Variants in VASP observed in about 807,000 individuals in gnomAD.
VASP encodes the protein vasodilator-stimulated phosphoprotein.
In VASP, 27 loss-of-function variants were observed where a neutral mutation model predicts 54.4. The ratio of observed to expected loss-of-function variants is 0.50; its 90% CI spans 0.37 to 0.68. The LOEUF is 0.68. VASP is among the 30% of genes least tolerant of loss of function. The probability of loss-of-function intolerance (pLI) is 0.00; values close to 1 mark genes in which losing one functional copy is unlikely to be tolerated. For missense variants in VASP, 488 were observed against 528.3 expected, an observed-to-expected ratio of 0.92 and a Z score of 0.75; for synonymous variants, 233 against 209.8, an observed-to-expected ratio of 1.11 and a Z score of -0.96.
chr19:45,517,085 G>GAGGTCGAGGCCACATTCCA (rs1968719148), intron 1 of VASP, among the ~76,000 whole-genome samples: 1 of 150,872 alleles, frequency 6.6e-6, no homozygotes, highest in Admixed American at 6.6e-5. Flanking sequence ...TTGAGCTCAG[G>GAGGTCGAGGCCACATTCCA]AGGTCGAGGC....
Position 45,518,132 on chromosome 19 carries a change from C to A in VASP, c.343+38C>A. On this transcript the variant is annotated intron_variant, in intron 3 of 12. Transcript: ENST00000245932. Reference sequence around the variant, plus strand: ...GGCGGGCAAAGGGGACCAGTGAATGCGGCTGTGTGGCCTGGGGCTGCCGCT... The same window carrying A: ...GGCGGGCAAAGGGGACCAGTGAATGAGGCTGTGTGGCCTGGGGCTGCCGCT... 4 of 1,597,226 alleles carry A rather than the reference C, an allele frequency of 2.5e-6. No homozygotes were observed. The South Asian group carries it at 3.4e-5, about 13-fold the overall frequency.
At chr19:45,524,052 G>C in intron 9 of VASP, 45 bp from the exon 10 acceptor site, 1 of 1,610,356 alleles carries the variant, frequency 6.2e-7, no homozygotes, top group Non-Finnish European at 8.5e-7. Flanking sequence ...TGATTGGGGG[G>C]CAGTCTTTTG....
At chr19:45,518,924 C>T (rs1367089333) in intron 3 of VASP, among the ~76,000 whole-genome samples, 3 of 152,146 alleles carry the variant, frequency 2.0e-5, no homozygotes, top group East Asian at 1.9e-4. Context: ...CTCCACCTCC[C>T]GGGTTCGCGT....
chr19:45,523,987 T>C (rs1968903673), intron 9 of VASP, 110 bp downstream of exon 9: 5 of 1,609,350 alleles, frequency 3.1e-6, no homozygotes, highest in African/African-American at 1.3e-5. Context: ...CTGGGGATTG[T>C]AGTCTCCTGA....
chr19:45,525,714 A>C, intron 11 of VASP: 1 of 440,046 alleles, frequency 2.3e-6, no homozygotes, highest in South Asian at 3.5e-5. Context: ...AAAGAAAAAG[A>C]AAAAGTTACC....
chr19:45,518,097 C>T lies in VASP; in HGVS notation c.343+3C>T. 6.2e-7 allele frequency: 1 copy of T among 1,612,206 alleles called. No individual in the cohort carries two copies. The highest frequency in any genetic ancestry group is 8.5e-7 in the Non-Finnish European group (1 of 1,179,162). Reference sequence around the variant, plus strand: ...CAGTGCCCTAGAGGCGTTGGAAGGTCAGAAATGGCGGCGGGCAAAGGGGAC... The same window carrying T: ...CAGTGCCCTAGAGGCGTTGGAAGGTTAGAAATGGCGGCGGGCAAAGGGGAC... On this transcript the variant is annotated splice_donor_region_variant and intron_variant, in intron 3 of 12. Coordinates refer to ENST00000245932, the MANE Select transcript of VASP (RefSeq NM_003370.4).
chr19:45,519,922 T>TTTTTTTTTTTTA (rs57222956), intron 3 of VASP, among the ~76,000 whole-genome samples: 1 of 102,258 alleles, frequency 9.8e-6, no homozygotes, highest in Non-Finnish European at 1.8e-5. Flanking sequence ...TTTTTTTTTT[T>TTTTTTTTTTTTA]AATATGGAGT....
chr19:45,509,312 T>C (rs1324859559), intron 1 of VASP, among the ~76,000 whole-genome samples: 1 of 152,054 alleles, frequency 6.6e-6, no homozygotes, highest in African/African-American at 2.4e-5. Context: ...GAGGGGTCAG[T>C]TTAGGGAGCG....
intron 1 of VASP, among the ~76,000 whole-genome samples, chr19:45,510,183 G>A (rs1378683230): frequency 6.6e-6 from 1 of 151,894 alleles, no homozygotes; most frequent in Non-Finnish European, 1.5e-5. Context: ...TTTATGTGGG[G>A]CATTTTTGTG....
intron 1 of VASP, among the ~76,000 whole-genome samples, chr19:45,510,224 TG>T (rs565789837): frequency 0.017 from 2,035 of 117,324 alleles, 45 homozygotes; most frequent in African/African-American, 0.055. Context: ...GTTTTTTTGT[TG>T]GTTTGTTTGT....
intron 1 of VASP, among the ~76,000 whole-genome samples, chr19:45,516,983 C>CAAAAAAAAAAAAAAAAAAAAAAAA (rs112095290): frequency 1.7e-5 from 1 of 57,868 alleles, no homozygotes; most frequent in Non-Finnish European, 3.3e-5. Context: ...GACTCTGTCT[C>CAAAAAAAAAAAAAAAAAAAAAAAA]AAAAAAAAAA....
intron 1 of VASP, among the ~76,000 whole-genome samples, chr19:45,514,617 T>G (rs1968665714): frequency 2.0e-5 from 3 of 152,310 alleles, no homozygotes; most frequent in Middle Eastern, 6.8e-3. Flanking sequence ...AGGCGCCCTG[T>G]TCTCCGGCCA....
intron 1 of VASP, among the ~76,000 whole-genome samples, chr19:45,509,517 CCCACCA>C (rs3038808): frequency 1.3e-4 from 20 of 150,982 alleles, no homozygotes; most frequent in Non-Finnish European, 2.4e-4. Context: ...CCCTGTCCTC[CCCACCA>C]CCACCACCAC....
chr19:45,510,033 G>C (rs1480736981), intron 1 of VASP, among the ~76,000 whole-genome samples: 1 of 152,192 alleles, frequency 6.6e-6, no homozygotes, highest in Non-Finnish European at 1.5e-5. Context: ...TGGGGTGCTG[G>C]GAAGACAGAG....
At chr19:45,513,005 G>C (rs1317388877) in intron 1 of VASP, among the ~76,000 whole-genome samples, 1 of 152,172 alleles carries the variant, frequency 6.6e-6, no homozygotes, top group African/African-American at 2.4e-5. Flanking sequence ...TTAAGAACTT[G>C]TGGGAACTTC....
Position 45,507,538 on chromosome 19 carries a change from C to T in VASP, c.-234C>T, listed in dbSNP as rs1462732125. 1 of 511,820 alleles carries T rather than the reference C, an allele frequency of 2.0e-6. No homozygotes were observed. Among genetic ancestry groups the T allele is most frequent in the South Asian group, 2.6e-5 (1 of 39,012 alleles). 31.7% of individuals were successfully genotyped at this position (511,820 alleles called of 1,614,324 possible). The stretch of plus-strand genomic sequence containing the variant: ...CAAGGGGTGCGCGCTGGGGAGCGGA[C>T]GCTGCATCCCCTTTCTGCTGCAGGA... On this transcript the variant is annotated 5_prime_UTR_variant, in exon 1 of 13. The change creates a new upstream start codon in the 5' untranslated region. Coordinates refer to ENST00000245932, the MANE Select transcript of VASP (RefSeq NM_003370.4). This position sits in a 1 kb window ranked among gnomAD's most constrained non-coding sequence, Gnocchi z 4.4.
intron 1 of VASP, among the ~76,000 whole-genome samples, chr19:45,509,794 A>G (rs1196227161): frequency 6.6e-6 from 1 of 152,182 alleles, no homozygotes; most frequent in Non-Finnish European, 1.5e-5. Flanking sequence ...AGCTGGGGAA[A>G]CTGAGGCTCA....
Position 45,507,514 on chromosome 19 carries a change from A to C in VASP, c.-258A>C. The C allele has an allele frequency of 2.0e-6, 1 of 503,026 alleles. No homozygotes were observed. Among genetic ancestry groups the C allele is most frequent in the South Asian group, 2.7e-5 (1 of 37,714 alleles). The allele number at this position is 503,026 out of a possible 1,614,324, so 31.2% of individuals were successfully genotyped here. ...GAGTAACACTGTAGCCGCCACCGGC[A>C]AGGGGTGCGCGCTGGGGAGCGGACG... On this transcript the variant is annotated 5_prime_UTR_variant, in exon 1 of 13. Transcript: ENST00000245932. This position sits in a 1 kb window ranked among gnomAD's most constrained non-coding sequence, Gnocchi z 4.4.
chr19:45,522,811 G>A lies in VASP; in HGVS notation c.814G>A (p.Ala272Thr). The change falls in exon 7 of 13, where the codon GCC becomes ACC. Residue 272 changes from alanine to threonine, a missense_variant. Ala to Thr is a moderately conservative substitution (Grantham distance 58). This residue lies in a region of VASP where 126 missense variants were observed against 134.8 expected (regional missense o/e 0.94). Transcript: ENST00000245932. ...CATGGAAGAGATGAACGCCATGCTG[G>A]CCCGGAGGTGAGCCTGAGCCTGGAC... ...GLMEEMNAML[A>T]RRRKATQVGE... 6.2e-7 allele frequency: 1 copy of A among 1,606,264 alleles called. No individual in the cohort carries two copies. The highest frequency in any genetic ancestry group is 1.1e-5 in the South Asian group (1 of 90,246).
Sources: allele counts gnomAD v4.1 joint callset (sites outside exome capture counted in the v4.1 genomes callset), GRCh38; gene constraint gnomAD v4.1.1; regional missense constraint gnomAD v4.1.1; non-coding constraint Gnocchi (gnomAD v3.1); transcripts MANE v1.5; gene names NCBI Gene and HGNC (gene_info 2026-07-23, HGNC 2026-07-21).